Variants in ALK observed in about 807,000 individuals in gnomAD.
ALK encodes the protein ALK receptor tyrosine kinase.
A neutral mutation model predicts 163.1 loss-of-function variants in ALK; 74 were observed. The ratio of observed to expected loss-of-function variants is 0.45; its 90% CI spans 0.38 to 0.55. The LOEUF (loss-of-function observed/expected upper bound fraction) is 0.55. ALK is among the 20% of genes least tolerant of loss of function. ALK has a pLI of 0.00. For synonymous variants in ALK, 960 were observed against 843.2 expected (o/e 1.14, Z -2.40); for missense variants, 2,063 against 2,105.3 (o/e 0.98, Z 0.39).
At chr2:29,573,660 C>T (rs1033930384) in intron 3 of ALK, among the ~76,000 whole-genome samples, 3 of 152,164 alleles carry the variant, frequency 2.0e-5, no homozygotes, top group South Asian at 2.1e-4. Flanking sequence ...CAGAGTTTAA[C>T]AGCTGCAACA....
intron 24 of ALK, 28 bp from the exon 25 acceptor site, chr2:29,209,906 A>C: frequency 6.4e-7 from 1 of 1,567,598 alleles, no homozygotes; most frequent in Non-Finnish European, 8.8e-7. Flanking sequence ...GCATTTCCTA[A>C]TTTTATCCCT....
intron 1 of ALK, among the ~76,000 whole-genome samples, chr2:29,773,777 T>TA (rs961356016): frequency 5.9e-5 from 9 of 152,248 alleles, no homozygotes; most frequent in Non-Finnish European, 1.0e-4. Context: ...AAACGCATCA[T>TA]AAAAAATAAG....
At chr2:29,420,156 T>TAAA (rs66468654) in intron 4 of ALK, among the ~76,000 whole-genome samples, 8,894 of 108,440 alleles carry the variant, frequency 0.082, 470 homozygotes, top group Non-Finnish European at 0.12. Context: ...GACCCTGTCT[T>TAAA]AAAAAAAAAA....
chr2:29,431,257 G>A (rs1338779261), intron 4 of ALK, among the ~76,000 whole-genome samples: 3 of 152,078 alleles, frequency 2.0e-5, no homozygotes, highest in African/African-American at 7.2e-5. Flanking sequence ...GGAAGATAAC[G>A]TGCTCTCAGG....
At chr2:29,785,311 G>A (rs1663979217) in intron 1 of ALK, among the ~76,000 whole-genome samples, 1 of 152,134 alleles carries the variant, frequency 6.6e-6, no homozygotes, top group South Asian at 2.1e-4. Context: ...AGAACATACC[G>A]ATATCCTGCA....
At chr2:29,210,526 G>A (rs533522935) in intron 24 of ALK, among the ~76,000 whole-genome samples, 10 of 152,114 alleles carry the variant, frequency 6.6e-5, no homozygotes, top group South Asian at 6.2e-4. Context: ...TCTGCCTCCC[G>A]GGTTCAAGCA....
chr2:29,901,026 C>A (rs1031982906), intron 1 of ALK, among the ~76,000 whole-genome samples: 2 of 150,486 alleles, frequency 1.3e-5, no homozygotes, highest in African/African-American at 5.0e-5. Flanking sequence ...AGCAAGCAAG[C>A]AAGCAAGCTT....
intron 3 of ALK, among the ~76,000 whole-genome samples, chr2:29,572,186 G>A (rs1259955774): frequency 6.6e-6 from 1 of 152,200 alleles, no homozygotes; most frequent in East Asian, 1.9e-4. Flanking sequence ...CTCTGCTGAT[G>A]TCACTTAAAG....
chr2:29,301,496 A>T (rs892444794), intron 8 of ALK, among the ~76,000 whole-genome samples: 1 of 152,358 alleles, frequency 6.6e-6, no homozygotes, highest in East Asian at 1.9e-4. Flanking sequence ...AGACACTCTC[A>T]TCTTTGCCAG....
intron 3 of ALK, among the ~76,000 whole-genome samples, chr2:29,582,090 T>C (rs1387652278): frequency 6.6e-6 from 1 of 152,146 alleles, no homozygotes; most frequent in East Asian, 1.9e-4. Flanking sequence ...CAAAGAAATA[T>C]CTCCCACTTA....
At chr2:29,296,110 CAG>C (rs1666169637) in intron 9 of ALK, among the ~76,000 whole-genome samples, 3 of 152,188 alleles carry the variant, frequency 2.0e-5, no homozygotes, top group Non-Finnish European at 4.4e-5. Context: ...TGCTCCATTG[CAG>C]AGCCACGTGG....
chr2:29,462,609 A>C (rs1158072882), intron 4 of ALK, among the ~76,000 whole-genome samples: 1 of 152,216 alleles, frequency 6.6e-6, no homozygotes, highest in Non-Finnish European at 1.5e-5. Flanking sequence ...GCTATTGCAC[A>C]CTTAGTAAAC....
chr2:29,637,536 C>T (rs1676572004), intron 3 of ALK, among the ~76,000 whole-genome samples: 1 of 151,896 alleles, frequency 6.6e-6, no homozygotes, highest in East Asian at 1.9e-4. Flanking sequence ...TGGTGAAATC[C>T]CTTCTCTACT....
At chr2:29,298,755 C>G (rs1163848891) in intron 8 of ALK, among the ~76,000 whole-genome samples, 1 of 152,076 alleles carries the variant, frequency 6.6e-6, no homozygotes, top group Non-Finnish European at 1.5e-5. Context: ...TTTTTGTGGG[C>G]CCAGTGTTTA....
At chr2:29,239,606 G>A in intron 13 of ALK, 74 bp downstream of exon 13, 1 of 1,565,844 alleles carries the variant, frequency 6.4e-7, no homozygotes. Context: ...AGGGTGTTGA[G>A]TGTTGGTGCC....
chr2:29,336,169 G>T (rs1276464521), intron 5 of ALK, among the ~76,000 whole-genome samples: 1 of 152,184 alleles, frequency 6.6e-6, no homozygotes, highest in African/African-American at 2.4e-5. Flanking sequence ...TCAGGGATGG[G>T]TTCTTCACCT....
chr2:29,217,948 A>C (rs1052596764), intron 23 of ALK, among the ~76,000 whole-genome samples: 6 of 152,056 alleles, frequency 3.9e-5, no homozygotes, highest in Admixed American at 3.9e-4. Context: ...GGATTTACTG[A>C]TATTAGTCCT....
intron 1 of ALK, among the ~76,000 whole-genome samples, chr2:29,903,661 A>G (rs1442334688): frequency 6.6e-6 from 1 of 152,344 alleles, no homozygotes. Context: ...AGTTTACTAT[A>G]TATCCAGAAA....
At chr2:29,287,726 C>T (rs894527449) in intron 9 of ALK, among the ~76,000 whole-genome samples, 1 of 151,606 alleles carries the variant, frequency 6.6e-6, no homozygotes, top group Non-Finnish European at 1.5e-5. Context: ...CTTTGCCCAC[C>T]GACTGGCTGA....
Sources: gnomAD v4.1 joint callset for allele counts (sites outside exome capture counted in the v4.1 genomes callset) on GRCh38, gnomAD v4.1.1 for gene constraint, MANE v1.5 for transcripts, NCBI Gene and HGNC (gene_info 2026-07-23, HGNC 2026-07-21) for gene names.